Variants in RAD51B observed in about 807,000 individuals in gnomAD.
RAD51B encodes the protein RAD51 paralog B.
RAD51B carries 38 observed loss-of-function variants against 42.2 expected under a neutral mutation model. That is an observed-to-expected ratio of 0.90 (90% CI 0.70 to 1.18). RAD51B has a LOEUF of 1.18. Ranked by LOEUF, RAD51B falls within the 50% of genes most tolerant of loss-of-function variation. RAD51B has a pLI of 0.00. For missense variants in RAD51B, 373 were observed against 400.7 expected (o/e 0.93, Z 0.59); for synonymous variants, 154 against 145.2 (o/e 1.06, Z -0.43).
At chr14:68,497,155 G>A (rs780344668) in intron 10 of RAD51B, 13 of 1,400,182 alleles carry the variant, frequency 9.3e-6, no homozygotes, top group South Asian at 1.2e-5. Flanking sequence ...AGATAAATGT[G>A]CAAACCTGTT....
intron 7 of RAD51B, among the ~76,000 whole-genome samples, chr14:68,178,531 C>A (rs181153960): frequency 1.3e-5 from 2 of 152,152 alleles, no homozygotes; most frequent in African/African-American, 4.8e-5. Flanking sequence ...TTGGGCTATG[C>A]GTATCCTGTT....
chr14:67,956,276 A>T (rs2074545165), intron 7 of RAD51B, among the ~76,000 whole-genome samples: 2 of 152,094 alleles, frequency 1.3e-5, no homozygotes. Context: ...GAGGTGGGTG[A>T]ATCACTTGAG....
chr14:68,129,360 C>G (rs913514111), intron 7 of RAD51B, among the ~76,000 whole-genome samples: 1 of 152,156 alleles, frequency 6.6e-6, no homozygotes, highest in Non-Finnish European at 1.5e-5. Flanking sequence ...AACTTAAAGA[C>G]TTACACATGT....
intron 7 of RAD51B, among the ~76,000 whole-genome samples, chr14:68,004,150 G>A (rs1005097542): frequency 3.3e-5 from 5 of 151,940 alleles, no homozygotes; most frequent in Non-Finnish European, 7.4e-5. Context: ...CTGACACGGT[G>A]AAACCCTGTC....
At chr14:67,875,340 G>T (rs943866918) in intron 5 of RAD51B, among the ~76,000 whole-genome samples, 1 of 152,142 alleles carries the variant, frequency 6.6e-6, no homozygotes, top group Non-Finnish European at 1.5e-5. Flanking sequence ...GGAAGCTGCT[G>T]TATTTGGTGT....
chr14:67,874,866 G>A (rs189997711), intron 5 of RAD51B, among the ~76,000 whole-genome samples: 182 of 152,216 alleles, frequency 1.2e-3, no homozygotes, highest in African/African-American at 4.2e-3. Flanking sequence ...GTCCGTATTA[G>A]AGACAGTTAC....
intron 9 of RAD51B, among the ~76,000 whole-genome samples, chr14:68,418,850 G>A (rs1016364700): frequency 6.6e-6 from 1 of 152,126 alleles, no homozygotes; most frequent in African/African-American, 2.4e-5. Context: ...AAAGTAAAAA[G>A]GAAAGAAGGG....
intron 7 of RAD51B, among the ~76,000 whole-genome samples, chr14:67,941,570 A>T (rs2140182640): frequency 6.6e-6 from 1 of 152,252 alleles, no homozygotes; most frequent in South Asian, 2.1e-4. Context: ...TTCTCTCTTA[A>T]ACTTGCCTAA....
chr14:68,040,995 C>T (rs777003714), intron 7 of RAD51B, among the ~76,000 whole-genome samples: 7 of 152,158 alleles, frequency 4.6e-5, no homozygotes, highest in Non-Finnish European at 1.0e-4. Flanking sequence ...TGTGTGCCCA[C>T]CTAAATCTCA....
intron 8 of RAD51B, among the ~76,000 whole-genome samples, chr14:68,343,632 A>G (rs966949595): frequency 1.3e-5 from 2 of 152,282 alleles, no homozygotes; most frequent in African/African-American, 4.8e-5. Flanking sequence ...CTTGCTTAGA[A>G]AGATTAGCGT....
At chr14:67,966,802 A>G (rs903266645) in intron 7 of RAD51B, among the ~76,000 whole-genome samples, 2 of 152,176 alleles carry the variant, frequency 1.3e-5, no homozygotes, top group African/African-American at 4.8e-5. Flanking sequence ...GATCTTGGAT[A>G]TCTTTCCTAT....
chr14:68,405,874 C>G (rs1041225383), intron 8 of RAD51B, among the ~76,000 whole-genome samples: 1 of 146,756 alleles, frequency 6.8e-6, no homozygotes, highest in African/African-American at 2.5e-5. Context: ...TAACTAGCAA[C>G]TCCTAATTAT....
At chr14:68,132,954 T>A (rs2077926898) in intron 7 of RAD51B, among the ~76,000 whole-genome samples, 1 of 152,166 alleles carries the variant, frequency 6.6e-6, no homozygotes, top group South Asian at 2.1e-4. Context: ...GGACCCCTAG[T>A]TTGGTTCCAG....
chr14:67,912,270 G>A (rs554219989), intron 7 of RAD51B, among the ~76,000 whole-genome samples: 72 of 152,080 alleles, frequency 4.7e-4, no homozygotes, highest in Non-Finnish European at 9.3e-4. Context: ...GTATTCACTC[G>A]GAAAGGTCTT....
intron 7 of RAD51B, among the ~76,000 whole-genome samples, chr14:67,947,851 G>A (rs986440956): frequency 6.6e-6 from 1 of 152,240 alleles, no homozygotes; most frequent in East Asian, 1.9e-4. Flanking sequence ...AGCCTAAAAG[G>A]TAGTGTTTTC....
chr14:68,450,075 C>A (rs376449018), intron 9 of RAD51B, among the ~76,000 whole-genome samples: 1 of 152,108 alleles, frequency 6.6e-6, no homozygotes, highest in Non-Finnish European at 1.5e-5. Flanking sequence ...CATTGTTATG[C>A]CTCCTAATTA....
chr14:68,390,853 T>C (rs956341884), intron 8 of RAD51B, among the ~76,000 whole-genome samples: 8 of 152,190 alleles, frequency 5.3e-5, no homozygotes, highest in African/African-American at 1.9e-4. Flanking sequence ...AGAAAGAGCG[T>C]CAGAGGAAGG....
chr14:68,206,131 C>A (rs1320077664), intron 7 of RAD51B, among the ~76,000 whole-genome samples: 3 of 152,170 alleles, frequency 2.0e-5, no homozygotes, highest in Non-Finnish European at 2.9e-5. Flanking sequence ...TAAGCCCCCC[C>A]TCTTGCTTTT....
chr14:68,513,033 G>A (rs1160767264), intron 10 of RAD51B, among the ~76,000 whole-genome samples: 2 of 152,144 alleles, frequency 1.3e-5, no homozygotes, highest in Non-Finnish European at 2.9e-5. Context: ...GACTGGAGTA[G>A]AGTGAAAAAA....
Sources: gnomAD v4.1 joint callset for allele counts (sites outside exome capture counted in the v4.1 genomes callset) on GRCh38, gnomAD v4.1.1 for gene constraint, MANE v1.5 for transcripts, NCBI Gene and HGNC (gene_info 2026-07-23, HGNC 2026-07-21) for gene names.